Variants in ARHGAP32 observed in about 807,000 individuals in gnomAD.
The protein encoded by ARHGAP32 is rho GTPase-activating protein 32.
In ARHGAP32, 51 loss-of-function variants were observed where a neutral mutation model predicts 186.5. The observed-to-expected ratio is 0.27, with a 90% CI of 0.22 to 0.35. The LOEUF is 0.35. ARHGAP32 is among the 10% of genes least tolerant of loss of function. ARHGAP32 has a pLI of 1.00. For missense variants in ARHGAP32, 2,186 were observed against 2,623.5 expected (o/e 0.83, Z 3.64); for synonymous variants, 950 against 964.3 (o/e 0.99, Z 0.27).
intron 12 of ARHGAP32, among the ~76,000 whole-genome samples, chr11:128,989,562 AT>A (rs1352856805): frequency 2.6e-5 from 4 of 151,446 alleles, no homozygotes; most frequent in South Asian, 4.2e-4. Flanking sequence ...ACACATACAT[AT>A]ATCTTTTTTT....
At chr11:129,041,954 GA>G (rs1939611551) in intron 10 of ARHGAP32, among the ~76,000 whole-genome samples, 1 of 152,180 alleles carries the variant, frequency 6.6e-6, no homozygotes, top group Non-Finnish European at 1.5e-5. Context: ...GGGAAGAATG[GA>G]ATAGTTTTCC....
intron 12 of ARHGAP32, among the ~76,000 whole-genome samples, chr11:128,997,008 G>C (rs1168853876): frequency 2.6e-5 from 4 of 152,080 alleles, no homozygotes; most frequent in Non-Finnish European, 4.4e-5. Flanking sequence ...CGAACTCCTA[G>C]GCGCAAGCTA....
At chr11:128,977,092 C>A (rs1346770100) in intron 19 of ARHGAP32, among the ~76,000 whole-genome samples, 1 of 152,142 alleles carries the variant, frequency 6.6e-6, no homozygotes, top group Admixed American at 6.5e-5. Flanking sequence ...ATGCCAGCAG[C>A]CACCAGGAGC....
intron 11 of ARHGAP32, among the ~76,000 whole-genome samples, chr11:129,039,617 G>C (rs1238975162): frequency 6.6e-6 from 1 of 152,216 alleles, no homozygotes; most frequent in Non-Finnish European, 1.5e-5. Context: ...ATTTCTTCAT[G>C]AAGTGATGAA....
intron 2 of ARHGAP32, among the ~76,000 whole-genome samples, chr11:129,132,009 G>C (rs1361029668): frequency 6.6e-6 from 1 of 152,178 alleles, no homozygotes. Context: ...CATCTGCCAT[G>C]GTGGTTTGCT....
intron 15 of ARHGAP32, among the ~76,000 whole-genome samples, chr11:128,985,245 T>C (rs1423509123): frequency 6.6e-6 from 1 of 152,152 alleles, no homozygotes; most frequent in African/African-American, 2.4e-5. Context: ...CTCAAACTCC[T>C]CACCTCAGGT....
intron 5 of ARHGAP32, among the ~76,000 whole-genome samples, chr11:129,115,300 G>A (rs1284763798): frequency 1.3e-5 from 2 of 152,104 alleles, no homozygotes; most frequent in Non-Finnish European, 2.9e-5. Flanking sequence ...ATCTTACATG[G>A]TTAATAAGTG....
intron 11 of ARHGAP32, among the ~76,000 whole-genome samples, chr11:129,002,921 G>A (rs1255238930): frequency 6.9e-6 from 1 of 145,566 alleles, no homozygotes; most frequent in African/African-American, 2.6e-5. Context: ...CCATTCTCCT[G>A]CCTCAGCCTC....
intron 5 of ARHGAP32, among the ~76,000 whole-genome samples, chr11:129,110,392 C>A (rs2135336651): frequency 6.6e-6 from 1 of 152,140 alleles, no homozygotes; most frequent in South Asian, 2.1e-4. Context: ...CAGCATTGTT[C>A]TTTTTGCTAA....
intron 1 of ARHGAP32, among the ~76,000 whole-genome samples, chr11:129,173,800 T>C (rs373842431): frequency 7.9e-5 from 12 of 152,100 alleles, no homozygotes; most frequent in East Asian, 5.8e-4. Context: ...ACACTTAACA[T>C]TGAAATACTA....
At chr11:129,039,942 A>C (rs1306490104) in intron 11 of ARHGAP32, among the ~76,000 whole-genome samples, 1 of 152,194 alleles carries the variant, frequency 6.6e-6, no homozygotes, top group Non-Finnish European at 1.5e-5. Context: ...TGAACAATAA[A>C]GTTAGTCTAA....
At chr11:129,112,075 T>A (rs1437710509) in intron 5 of ARHGAP32, among the ~76,000 whole-genome samples, 1 of 152,092 alleles carries the variant, frequency 6.6e-6, no homozygotes, top group Non-Finnish European at 1.5e-5. Flanking sequence ...AAACCCCGTC[T>A]CTACTAAAAA....
upstream of ARHGAP32, among the ~76,000 whole-genome samples, chr11:129,193,117 G>GT (rs1944298923): frequency 6.6e-6 from 1 of 151,800 alleles, no homozygotes; most frequent in South Asian, 2.1e-4. Flanking sequence ...ACTTTCCACT[G>GT]TATCTGATTT....
intron 1 of ARHGAP32, among the ~76,000 whole-genome samples, chr11:129,181,449 G>A (rs929427332): frequency 3.3e-5 from 5 of 152,028 alleles, no homozygotes; most frequent in South Asian, 4.2e-4. Flanking sequence ...GACTACCAGC[G>A]TTCTGTGTGC....
chr11:129,271,465 A>G (rs747749546), intron 1 of ARHGAP32, among the ~76,000 whole-genome samples: 1 of 152,020 alleles, frequency 6.6e-6, no homozygotes, highest in East Asian at 1.9e-4. Context: ...GGGGAGGTAG[A>G]GGAAGAAGTC....
At chr11:129,183,939 TA>T (rs776862708) in intron 1 of ARHGAP32, among the ~76,000 whole-genome samples, 1 of 152,080 alleles carries the variant, frequency 6.6e-6, no homozygotes, top group Non-Finnish European at 1.5e-5. Context: ...ATCATTAAGT[TA>T]AATAGGAAAA....
At chr11:129,165,504 T>G (rs924668417) in intron 1 of ARHGAP32, among the ~76,000 whole-genome samples, 1 of 150,278 alleles carries the variant, frequency 6.7e-6, no homozygotes, top group Non-Finnish European at 1.5e-5. Flanking sequence ...TTAACTGTCT[T>G]TGGAGGAAAA....
intron 2 of ARHGAP32, among the ~76,000 whole-genome samples, chr11:129,127,959 T>C (rs756639551): frequency 3.3e-5 from 5 of 152,214 alleles, no homozygotes; most frequent in Non-Finnish European, 4.4e-5. Context: ...TGTCTATCTC[T>C]AGCAATTAAC....
intron 11 of ARHGAP32, among the ~76,000 whole-genome samples, chr11:129,005,509 T>C (rs1300621090): frequency 6.6e-6 from 1 of 152,210 alleles, no homozygotes; most frequent in East Asian, 1.9e-4. Flanking sequence ...TTGAAGGATA[T>C]TTTCACCAGA....
Sources: gnomAD v4.1 joint callset for allele counts (sites outside exome capture counted in the v4.1 genomes callset) on GRCh38, gnomAD v4.1.1 for gene constraint, MANE v1.5 for transcripts, NCBI Gene and HGNC (gene_info 2026-07-23, HGNC 2026-07-21) for gene names.